Variants in ARSB observed in about 807,000 individuals in gnomAD.
The protein encoded by ARSB is N-acetylgalactosamine-4-sulfatase.
A neutral mutation model predicts 50.9 loss-of-function variants in ARSB; 41 were observed. The observed-to-expected ratio is 0.81, with a 90% confidence interval of 0.63 to 1.04. ARSB has a LOEUF of 1.04. Among genes scored for constraint, ARSB ranks in the 50% least tolerant of loss-of-function variants. The pLI is 0.00. For synonymous variants in ARSB, 269 were observed against 284.8 expected (o/e 0.94, Z 0.56); for missense variants, 672 against 693.3 (o/e 0.97, Z 0.35).
At chr5:78,849,515 G>T (rs1200756070) in intron 5 of ARSB, among the ~76,000 whole-genome samples, 2 of 151,886 alleles carry the variant, frequency 1.3e-5, no homozygotes, top group Non-Finnish European at 2.9e-5. Flanking sequence ...CTCCAGCTTT[G>T]TTCTTTTGGC....
chr5:78,859,625 T>A (rs79730561), intron 5 of ARSB, among the ~76,000 whole-genome samples: 1 of 152,016 alleles, frequency 6.6e-6, no homozygotes, highest in East Asian at 1.9e-4. Context: ...GATTCTGCCA[T>A]AAGAATCAAA....
At chr5:78,848,778 G>A (rs1407323063) in intron 5 of ARSB, among the ~76,000 whole-genome samples, 3 of 152,138 alleles carry the variant, frequency 2.0e-5, no homozygotes, top group Non-Finnish European at 1.5e-5. Context: ...GGTGTGAGAC[G>A]GTATCTCATT....
chr5:78,977,193 G>C, intron 1 of ARSB, among the ~76,000 whole-genome samples: 1 of 145,690 alleles, frequency 6.9e-6, no homozygotes, highest in Non-Finnish European at 1.5e-5. Context: ...TTGCTCTGTT[G>C]CTCAGGCTGG....
intron 6 of ARSB, among the ~76,000 whole-genome samples, chr5:78,827,863 T>C (rs1446531505): frequency 7.8e-6 from 1 of 127,666 alleles, no homozygotes; most frequent in Admixed American, 7.7e-5. Context: ...CAATTTCTGA[T>C]TTTTTTTTTT....
chr5:78,867,003 T>C lies in ARSB; in HGVS notation c.1142+18581A>G, dbSNP rs536940848. On this transcript the variant is annotated intron_variant, in intron 5 of 7. Coordinates refer to ENST00000264914, the MANE Select transcript of ARSB (RefSeq NM_000046.5). ...AAGCAGGGCGAGGCATTGCCTCACC[T>C]GGGAAGCGCAAGGGGTCAGGGAGTT... Among the ~76,000 whole-genome samples the C allele has an allele frequency of 2.9e-3, 443 of 152,256 alleles. 1 individual carries two copies. The highest frequency in any genetic ancestry group is 4.7e-3 in the Non-Finnish European group (318 of 68,000).
intron 4 of ARSB, among the ~76,000 whole-genome samples, chr5:78,897,300 G>A (rs56368799): frequency 0.026 from 3,957 of 152,124 alleles, 198 homozygotes; most frequent in African/African-American, 0.092. Context: ...TGCATCCTGA[G>A]CCCCCTACTC....
intron 6 of ARSB, among the ~76,000 whole-genome samples, chr5:78,834,730 T>C (rs1744870463): frequency 6.7e-6 from 1 of 149,544 alleles, no homozygotes; most frequent in Admixed American, 6.7e-5. Context: ...TGCTGAGTAA[T>C]GCTGCTACAA....
intron 6 of ARSB, among the ~76,000 whole-genome samples, chr5:78,827,012 C>T (rs1252101476): frequency 6.6e-6 from 1 of 152,084 alleles, no homozygotes; most frequent in African/African-American, 2.4e-5. Context: ...CTAATAGGGG[C>T]ACAGCCAGCT....
At chr5:78,895,260 A>C (rs1448483462) in intron 4 of ARSB, among the ~76,000 whole-genome samples, 1 of 152,230 alleles carries the variant, frequency 6.6e-6, no homozygotes, top group Non-Finnish European at 1.5e-5. Context: ...GAAGGAGGAA[A>C]GGAGAAGAAA....
chr5:78,821,680 C>T (rs1459953090), intron 6 of ARSB, among the ~76,000 whole-genome samples: 2 of 152,110 alleles, frequency 1.3e-5, no homozygotes, highest in Admixed American at 1.3e-4. Context: ...TATGAGGAGG[C>T]GGTGCATATC....
At chr5:78,922,378 CCAGA>C (rs949123475) in intron 4 of ARSB, among the ~76,000 whole-genome samples, 1 of 151,950 alleles carries the variant, frequency 6.6e-6, no homozygotes. Context: ...GGATAGGGCA[CCAGA>C]CAGAGTCCTG....
chr5:78,934,025 G>A (rs1750472570), intron 4 of ARSB, among the ~76,000 whole-genome samples: 1 of 152,232 alleles, frequency 6.6e-6, no homozygotes, highest in Admixed American at 6.5e-5. Context: ...GAAGCCTCCA[G>A]AAGCTAGAAT....
chr5:78,780,490 C>G lies in ARSB; in HGVS notation c.1509G>C (p.Gln503His). 1 of 1,614,146 alleles carries G rather than the reference C, an allele frequency of 6.2e-7. No individual in the cohort carries two copies. Among genetic ancestry groups the G allele is most frequent in the Non-Finnish European group, 8.5e-7 (1 of 1,180,026 alleles). ...CGGGGACTGAGTGTTTATGGTAGAA[C>G]TGTAGGCGGGACAGGAGCTTTGTGA... Reference protein sequence around the residue: ...HIVTKLLSRLQFYHKHSVPVY... With the variant: ...HIVTKLLSRLHFYHKHSVPVY... Residue 503 changes from glutamine (Q) to histidine (H), a missense_variant, in exon 8 of 8, where the codon CAG becomes CAC. Transcript: ENST00000264914.
At chr5:78,909,295 G>A (rs190868605) in intron 4 of ARSB, among the ~76,000 whole-genome samples, 28 of 151,898 alleles carry the variant, frequency 1.8e-4, no homozygotes, top group Admixed American at 6.5e-4. Context: ...GCAACTTTTG[G>A]GTTTATTATA....
chr5:78,942,962 T>C lies in ARSB; in HGVS notation c.898+12333A>G, dbSNP rs1356441457. On this transcript the variant is annotated intron_variant, in intron 4 of 7. Coordinates refer to ENST00000264914, the MANE Select transcript of ARSB (RefSeq NM_000046.5). ...GGACTTGCTTTATGAATCTGGGTGC[T>C]CCTGTATTGGGTGCATATATATTTA... is the stretch of plus-strand genomic sequence containing the variant. 8.5e-5 allele frequency among the ~76,000 whole-genome samples: 13 copies of C among 152,340 alleles called. No homozygotes were observed. The East Asian group carries it at 2.5e-3, about 29-fold the overall frequency.
rs114022758 is a variant in ARSB, at chr5:78,805,126, G to T, written c.1214-23152C>A. Among the ~76,000 whole-genome samples the T allele has an allele frequency of 5.1e-3, 780 of 152,320 alleles. 5 individuals carry two copies. Among genetic ancestry groups the T allele is most frequent in the African/African-American group, 0.017 (726 of 41,578 alleles). On this transcript the variant is annotated intron_variant, in intron 6 of 7. Transcript: ENST00000264914. ...ACAGAGACCCCGACCAACCAACGTT[G>T]TCATGTCATAAATCACATTTCCCAG...
intron 4 of ARSB, among the ~76,000 whole-genome samples, chr5:78,921,163 A>G (rs1201991837): frequency 6.6e-6 from 1 of 152,142 alleles, no homozygotes; most frequent in Non-Finnish European, 1.5e-5. Flanking sequence ...CCAGAGTTGT[A>G]TCCTAGATCT....
chr5:78,826,056 T>TC (rs1275876221), intron 6 of ARSB, among the ~76,000 whole-genome samples: 3 of 150,802 alleles, frequency 2.0e-5, no homozygotes, highest in Non-Finnish European at 4.4e-5. Flanking sequence ...TTTCTTTCTT[T>TC]TTTTTTTTTT....
chr5:78,918,567 A>ACACATG (rs1749663423), intron 4 of ARSB, among the ~76,000 whole-genome samples: 1 of 152,092 alleles, frequency 6.6e-6, no homozygotes, highest in African/African-American at 2.4e-5. Flanking sequence ...ACACACACAC[A>ACACATG]CATGCATGCA....
Sources: gnomAD v4.1 joint callset for allele counts (sites outside exome capture counted in the v4.1 genomes callset) on GRCh38, gnomAD v4.1.1 for gene constraint, MANE v1.5 for transcripts, NCBI Gene and HGNC (gene_info 2026-07-23, HGNC 2026-07-21) for gene names.